Variants in ATXN7 observed in about 807,000 individuals in gnomAD.
ATXN7 encodes the protein ataxin 7.
A neutral mutation model predicts 70.5 loss-of-function variants in ATXN7; 12 were observed. That is an observed-to-expected ratio of 0.17 (90% CI 0.11 to 0.28). The LOEUF (loss-of-function observed/expected upper bound fraction) is 0.28, where lower values mean the gene tolerates loss of function less well. Among genes scored for constraint, ATXN7 ranks in the 10% least tolerant of loss-of-function variants. The pLI, the probability that ATXN7 is intolerant of heterozygous loss-of-function variation, is 1.00. For synonymous variants in ATXN7, 498 were observed against 448.7 expected (o/e 1.11, Z -1.39); for missense variants, 1,256 against 1,131.7 (o/e 1.11, Z -1.58).
chr3:63,955,209 C>A (rs1042949685), intron 5 of ATXN7, among the ~76,000 whole-genome samples: 2 of 152,060 alleles, frequency 1.3e-5, no homozygotes, highest in Admixed American at 6.5e-5. Flanking sequence ...ACTGACAAAG[C>A]CACTAGGTAG....
chr3:63,952,278 T>C, intron 4 of ATXN7, 101 bp from the exon 5 acceptor site: 2 of 709,500 alleles, frequency 2.8e-6, no homozygotes, highest in Admixed American at 6.1e-5. Context: ...TGTCCTGGTA[T>C]ACTTTACAAT....
At position 63,912,777 on chromosome 3, in the gene ATXN7, C is replaced by G. The variant is rs755508121; in HGVS notation, c.179C>G (p.Pro60Arg). The stretch of plus-strand genomic sequence containing the variant: ...CCACCGCCGCCACGGCGCACACGGC[C>G]GGAGGACGGCGGGCCCGGCGCCGCC... ...HPPPPPRRTR[P>R]EDGGPGAAST... Residue 60 changes from proline (P) to arginine (R), a missense_variant, in exon 3 of 13, where the codon CCG (proline) becomes CGG (arginine). Physicochemically the swap from Pro to Arg is moderately radical, Grantham distance 103 (BLOSUM62 -2). Coordinates refer to ENST00000674280, the MANE Select transcript of ATXN7 (RefSeq NM_001377405.1). 11 of 1,498,754 alleles carry G rather than the reference C, an allele frequency of 7.3e-6. No homozygotes were observed. The East Asian group carries it at 2.8e-4, about 38-fold the overall frequency. The allele number at this position is 1,498,754 out of a possible 1,614,324, so 92.8% of individuals were successfully genotyped here. A position where few individuals can be genotyped will look rare whatever the true frequency, so the allele number is the denominator to read the frequency against.
chr3:63,987,954 T>C, intron 8 of ATXN7, 105 bp from the exon 9 acceptor site: 2 of 1,382,838 alleles, frequency 1.4e-6, no homozygotes, highest in Non-Finnish European at 2.0e-6. Flanking sequence ...TTCACTATGC[T>C]TATGGTCTAG....
At chr3:63,977,779 T>C (rs1410403359) in intron 5 of ATXN7, among the ~76,000 whole-genome samples, 1 of 152,162 alleles carries the variant, frequency 6.6e-6, no homozygotes, top group Non-Finnish European at 1.5e-5. Context: ...TGAAGAATTG[T>C]CCTGTCTGAA....
chr3:63,933,003 C>G (rs2074585228), intron 4 of ATXN7, among the ~76,000 whole-genome samples: 1 of 152,184 alleles, frequency 6.6e-6, no homozygotes, highest in Non-Finnish European at 1.5e-5. Context: ...GCTGCTTTTA[C>G]CGACAGTCCT....
At chr3:63,891,090 A>T (rs1466258577) in intron 1 of ATXN7, among the ~76,000 whole-genome samples, 1 of 151,852 alleles carries the variant, frequency 6.6e-6, no homozygotes, top group African/African-American at 2.4e-5. Context: ...GCTCACTGCA[A>T]CCTCCACCTC....
intron 5 of ATXN7, among the ~76,000 whole-genome samples, chr3:63,953,882 A>T (rs572292214): frequency 6.6e-6 from 1 of 152,100 alleles, no homozygotes; most frequent in African/African-American, 2.4e-5. Context: ...TCCTGACCTC[A>T]AGTGATCCGC....
At chr3:63,891,603 G>A (rs547456879) in intron 1 of ATXN7, among the ~76,000 whole-genome samples, 8 of 152,166 alleles carry the variant, frequency 5.3e-5, no homozygotes, top group South Asian at 2.1e-4. Flanking sequence ...GATTACAGGC[G>A]TGAGCCATCA....
intron 5 of ATXN7, among the ~76,000 whole-genome samples, chr3:63,978,058 G>A (rs930741350): frequency 1.3e-5 from 2 of 152,182 alleles, no homozygotes; most frequent in Admixed American, 1.3e-4. Context: ...AACTTACTCA[G>A]CTGTGGTTAA....
intron 9 of ATXN7, chr3:63,988,568 C>G (rs2075616035): frequency 2.0e-6 from 1 of 489,132 alleles, no homozygotes; most frequent in Non-Finnish European, 3.5e-6. Context: ...TCTATACTTG[C>G]TGAACATCAA....
At chr3:63,948,912 G>C (rs1285027738) in intron 4 of ATXN7, among the ~76,000 whole-genome samples, 1 of 152,078 alleles carries the variant, frequency 6.6e-6, no homozygotes, top group Non-Finnish European at 1.5e-5. Context: ...ATTAATTCAA[G>C]TACAATTTTT....
chr3:63,949,791 G>C (rs1167757816), intron 4 of ATXN7, among the ~76,000 whole-genome samples: 2 of 152,170 alleles, frequency 1.3e-5, no homozygotes, highest in Non-Finnish European at 1.5e-5. Context: ...GCTTTTTAGA[G>C]AGATTCAGTG....
intron 4 of ATXN7, among the ~76,000 whole-genome samples, chr3:63,932,000 A>C (rs903792991): frequency 1.2e-4 from 18 of 152,216 alleles, no homozygotes; most frequent in African/African-American, 4.1e-4. Flanking sequence ...GGCCATATTT[A>C]CCTGAGTACA....
intron 5 of ATXN7, among the ~76,000 whole-genome samples, chr3:63,956,171 A>T (rs2075035690): frequency 6.6e-6 from 1 of 152,104 alleles, no homozygotes; most frequent in East Asian, 1.9e-4. Context: ...TGATTTCTTG[A>T]TGTTGTTTTA....
intron 5 of ATXN7, among the ~76,000 whole-genome samples, chr3:63,965,531 G>C (rs1263952228): frequency 6.6e-6 from 1 of 152,042 alleles, no homozygotes; most frequent in South Asian, 2.1e-4. Context: ...TATAATTTTC[G>C]GTCAGTGAGG....
At chr3:63,930,413 C>T (rs1704902569) in intron 4 of ATXN7, among the ~76,000 whole-genome samples, 1 of 152,192 alleles carries the variant, frequency 6.6e-6, no homozygotes, top group South Asian at 2.1e-4. Flanking sequence ...AGCCCCTCCA[C>T]AGCTTTCCCT....
chr3:63,978,145 G>C (rs1462256321), intron 5 of ATXN7, among the ~76,000 whole-genome samples: 1 of 152,190 alleles, frequency 6.6e-6, no homozygotes, highest in East Asian at 1.9e-4. Flanking sequence ...AGGGAAACTT[G>C]TCAAAAATCT....
intron 5 of ATXN7, among the ~76,000 whole-genome samples, chr3:63,953,800 G>A (rs750714290): frequency 1.3e-5 from 2 of 151,684 alleles, no homozygotes; most frequent in Non-Finnish European, 2.9e-5. Context: ...ACAGGCACCC[G>A]CCACCACCAT....
intron 4 of ATXN7, among the ~76,000 whole-genome samples, chr3:63,917,310 T>C (rs913343228): frequency 6.6e-6 from 1 of 152,248 alleles, no homozygotes; most frequent in Admixed American, 6.5e-5. Flanking sequence ...TTACTGCTTT[T>C]TCCCCCAAGG....
Sources: allele counts gnomAD v4.1 joint callset (sites outside exome capture counted in the v4.1 genomes callset), GRCh38; gene constraint gnomAD v4.1.1; transcripts MANE v1.5; gene names NCBI Gene and HGNC (gene_info 2026-07-23, HGNC 2026-07-21).